PRKAG2: variants seen among roughly 807,000 people sequenced by gnomAD.
PRKAG2 encodes protein kinase AMP-activated non-catalytic subunit gamma 2, also known as 5'-AMP-activated protein kinase subunit gamma-2.
In PRKAG2, 26 loss-of-function variants were observed where a neutral mutation model predicts 69.6. That is an observed-to-expected ratio of 0.37 (90% CI 0.27 to 0.52). PRKAG2 has a LOEUF of 0.52. Ranked by LOEUF, PRKAG2 falls within the 20% of genes least tolerant of loss-of-function variation. The probability of loss-of-function intolerance (pLI) is 0.90; values close to 1 mark genes in which losing one functional copy is unlikely to be tolerated. For synonymous variants in PRKAG2, 293 were observed against 285.0 expected (o/e 1.03, Z -0.28); for missense variants, 557 against 740.0 (o/e 0.75, Z 2.87).
At chr7:151,602,277 G>A (rs1413807246) in intron 5 of PRKAG2, among the ~76,000 whole-genome samples, 3 of 152,172 alleles carry the variant, frequency 2.0e-5, no homozygotes, top group Non-Finnish European at 4.4e-5. Flanking sequence ...GAAATCAAGA[G>A]GGAGGCTAAG....
At chr7:151,585,298 G>C (rs972342861) in intron 6 of PRKAG2, among the ~76,000 whole-genome samples, 1 of 152,116 alleles carries the variant, frequency 6.6e-6, no homozygotes, top group Non-Finnish European at 1.5e-5. Flanking sequence ...ATCTTTTCTT[G>C]GGAGGTTTTA....
Position 151,576,432 on chromosome 7 carries a change from A to C in PRKAG2, c.885T>G (p.Ala295=), listed in dbSNP as rs1425474186. The change falls in exon 7 of 16, where the codon GCT becomes GCG. Residue 295 remains alanine (A), a synonymous_variant. Coordinates refer to ENST00000287878, the MANE Select transcript of PRKAG2 (RefSeq NM_016203.4). ...TTLQVKKAFF[A]LVANGVRAAP... Reference sequence around the variant, plus strand: ...CTGCTCGGACACCGTTGGCTACCAAAGCAAAGAAGGCCTTTTTAACCTGAA... The same window carrying C: ...CTGCTCGGACACCGTTGGCTACCAACGCAAAGAAGGCCTTTTTAACCTGAA... The C allele has an allele frequency of 6.2e-7, 1 of 1,608,124 alleles. No individual in the cohort carries two copies. Among genetic ancestry groups the C allele is most frequent in the African/African-American group, 1.3e-5 (1 of 74,772 alleles).
At chr7:151,688,536 C>CA (rs1835125027) in intron 3 of PRKAG2, among the ~76,000 whole-genome samples, 1 of 152,178 alleles carries the variant, frequency 6.6e-6, no homozygotes, top group Non-Finnish European at 1.5e-5. Flanking sequence ...AGGCCTCCAT[C>CA]ATCAGAGCTT....
intron 1 of PRKAG2, among the ~76,000 whole-genome samples, chr7:151,831,354 G>C (rs940838319): frequency 1.3e-5 from 2 of 152,182 alleles, no homozygotes; most frequent in Non-Finnish European, 1.5e-5. Flanking sequence ...TTTGATGAAT[G>C]AGCAAAACAT....
chr7:151,618,421 C>G (rs142089891), intron 5 of PRKAG2, among the ~76,000 whole-genome samples: 1,901 of 151,132 alleles, frequency 0.013, 28 homozygotes, highest in African/African-American at 0.044. Flanking sequence ...CCACTGCACT[C>G]TAGCCTGGGC....
At chr7:151,634,943 T>TG (rs1825473062) in intron 4 of PRKAG2, among the ~76,000 whole-genome samples, 1 of 149,226 alleles carries the variant, frequency 6.7e-6, no homozygotes, top group Non-Finnish European at 1.5e-5. Flanking sequence ...ACCACTGTTT[T>TG]TTTTTTTTTT....
chr7:151,574,825 T>C (rs1808503101), intron 8 of PRKAG2, 66 bp downstream of exon 8: 1 of 1,605,420 alleles, frequency 6.2e-7, no homozygotes, highest in Non-Finnish European at 8.5e-7. Context: ...AATACACACA[T>C]ATACCTACAC....
intron 1 of PRKAG2, among the ~76,000 whole-genome samples, chr7:151,800,080 G>T (rs574250044): frequency 8.6e-5 from 13 of 152,024 alleles, no homozygotes; most frequent in African/African-American, 3.1e-4. Context: ...CTCACGGGCC[G>T]GGTGCGGTGG....
chr7:151,781,067 C>T lies in PRKAG2; in HGVS notation c.466+85G>A. On this transcript the variant is annotated intron_variant, in intron 3 of 15. Transcript: ENST00000287878. The surrounding 1 kb of genome is among the most constrained non-coding windows in gnomAD (Gnocchi z 6.1). ...CAAGCTGCTCACAGCCACCTGGCAGCTTCGGTGCCACCGTGGATGTGTGGC... is the reference window on the plus strand; with the variant it reads ...CAAGCTGCTCACAGCCACCTGGCAGTTTCGGTGCCACCGTGGATGTGTGGC... 1 of 1,579,662 alleles carries T rather than the reference C, an allele frequency of 6.3e-7. No homozygotes were observed. Among genetic ancestry groups the T allele is most frequent in the Non-Finnish European group, 8.7e-7 (1 of 1,153,914 alleles).
chr7:151,780,170 TG>T lies in PRKAG2; in HGVS notation c.466+981del, dbSNP rs1428357825. On this transcript the variant is annotated intron_variant, in intron 3 of 15. Transcript: ENST00000287878. The surrounding 1 kb of genome is among the most constrained non-coding windows in gnomAD (Gnocchi z 4.2). ...TCCCCTCCACCTCCAAGGTGGTGGA[TG>T]AAGTAGTGAGGCTGACAGAGACCTG... Among the ~76,000 whole-genome samples the T allele has an allele frequency of 4.6e-5, 7 of 152,170 alleles. No homozygotes were observed. Among genetic ancestry groups the T allele is most frequent in the African/African-American group, 1.7e-4 (7 of 41,428 alleles).
intron 1 of PRKAG2, among the ~76,000 whole-genome samples, chr7:151,861,441 T>A (rs1479060225): frequency 6.8e-6 from 1 of 147,854 alleles, no homozygotes; most frequent in Non-Finnish European, 1.5e-5. Context: ...CACATAAGAA[T>A]TGGTTGAACC....
intron 1 of PRKAG2, among the ~76,000 whole-genome samples, chr7:151,853,799 C>T (rs921222907): frequency 2.6e-5 from 4 of 151,546 alleles, no homozygotes; most frequent in East Asian, 1.9e-4. Context: ...GGCTATTCCA[C>T]GCAGTTTAAC....
intron 3 of PRKAG2, among the ~76,000 whole-genome samples, chr7:151,688,911 T>TC (rs1161832897): frequency 2.0e-5 from 3 of 152,122 alleles, no homozygotes; most frequent in African/African-American, 7.2e-5. Flanking sequence ...GGTTCCCCTC[T>TC]CCTCCAGGGT....
chr7:151,816,710 G>A (rs1419963166), intron 1 of PRKAG2, among the ~76,000 whole-genome samples: 2 of 152,222 alleles, frequency 1.3e-5, no homozygotes, highest in Non-Finnish European at 2.9e-5. Context: ...CCCGGGCACC[G>A]ATGCAAGTGG....
chr7:151,681,128 C>G (rs1833829742), intron 3 of PRKAG2, among the ~76,000 whole-genome samples: 1 of 152,210 alleles, frequency 6.6e-6, no homozygotes, highest in South Asian at 2.1e-4. Context: ...CAGGCCACCC[C>G]CGTGTGAGTA....
intron 3 of PRKAG2, among the ~76,000 whole-genome samples, chr7:151,710,709 TC>T (rs1795155044): frequency 6.6e-6 from 1 of 152,206 alleles, no homozygotes; most frequent in African/African-American, 2.4e-5. Flanking sequence ...TTTTCTCTCT[TC>T]ACTTGTCACT....
At chr7:151,809,098 A>C (rs1052917960) in intron 1 of PRKAG2, among the ~76,000 whole-genome samples, 5 of 152,194 alleles carry the variant, frequency 3.3e-5, no homozygotes, top group African/African-American at 1.2e-4. Flanking sequence ...CTCAGAGGGA[A>C]GGGGTGGTGG....
At position 151,828,830 on chromosome 7, in the gene PRKAG2, A is replaced by C. The variant is rs1017192180; in HGVS notation, c.115-42289T>G. Among the ~76,000 whole-genome samples the C allele has an allele frequency of 3.3e-4, 50 of 152,274 alleles. No individual in the cohort carries two copies. Among genetic ancestry groups the C allele is most frequent in the African/African-American group, 1.2e-3 (49 of 41,554 alleles). On this transcript the variant is annotated intron_variant, in intron 1 of 15. Coordinates refer to ENST00000287878, the MANE Select transcript of PRKAG2 (RefSeq NM_016203.4). This position sits in a 1 kb window ranked among gnomAD's most constrained non-coding sequence, Gnocchi z 4.6. ...GGAGGCTGAGGTGGAAGGATCACTTAAGCTCAGGAGTTTGAGGCTGCAGTG... is the reference window on the plus strand; with the variant it reads ...GGAGGCTGAGGTGGAAGGATCACTTCAGCTCAGGAGTTTGAGGCTGCAGTG...
At chr7:151,692,512 C>T (rs1162209505) in intron 3 of PRKAG2, among the ~76,000 whole-genome samples, 2 of 152,096 alleles carry the variant, frequency 1.3e-5, no homozygotes, top group Non-Finnish European at 2.9e-5. Flanking sequence ...TATGTCTTGA[C>T]GGTGGTGCTG....
Sources: gnomAD v4.1 joint callset for allele counts (sites outside exome capture counted in the v4.1 genomes callset) on GRCh38, gnomAD v4.1.1 for gene constraint, Gnocchi (gnomAD v3.1) non-coding constraint, MANE v1.5 for transcripts, NCBI Gene and HGNC (gene_info 2026-07-23, HGNC 2026-07-21) for gene names.